Variants in OR51E1 observed in about 807,000 individuals in gnomAD.
OR51E1 encodes olfactory receptor 51E1.
In OR51E1, 9 loss-of-function variants were observed where a neutral mutation model predicts 11.5. The observed-to-expected ratio is 0.78, with a 90% CI of 0.47 to 1.37. The LOEUF (loss-of-function observed/expected upper bound fraction) is 1.37, where lower values mean the gene tolerates loss of function less well. Among genes scored for constraint, OR51E1 ranks in the 40% most tolerant of loss-of-function variants. The pLI, the probability that OR51E1 is intolerant of heterozygous loss-of-function variation, is 0.00. For synonymous variants in OR51E1, 168 were observed against 158.3 expected, an observed-to-expected ratio of 1.06 and a Z score of -0.46; for missense variants, 397 against 410.2, an observed-to-expected ratio of 0.97 and a Z score of 0.28.
chr11:4,653,656 T>C lies in OR51E1; in HGVS notation c.*173T>C. On this transcript the variant is annotated 3_prime_UTR_variant, in exon 2 of 2. Coordinates refer to ENST00000396952, the MANE Select transcript of OR51E1 (RefSeq NM_152430.4). The stretch of plus-strand genomic sequence containing the variant: ...CATTTTTTCAATATTATTTTCTTCT[T>C]TGTTTTCTTGCTACATATAATTATT... 1.8e-6 allele frequency: 1 copy of C among 561,456 alleles called. No individual in the cohort carries two copies. Among genetic ancestry groups the C allele is most frequent in the Non-Finnish European group, 3.2e-6 (1 of 311,340 alleles). The allele number at this position is 561,456 out of a possible 1,614,324, so 34.8% of individuals were successfully genotyped here. A position where few individuals can be genotyped will look rare whatever the true frequency, so the allele number is the denominator to read the frequency against.
At chr11:4,646,351 G>A (rs1847030406) in intron 1 of OR51E1, among the ~76,000 whole-genome samples, 1 of 152,148 alleles carries the variant, frequency 6.6e-6, no homozygotes, top group Non-Finnish European at 1.5e-5. Context: ...AGGGGCCCCT[G>A]GACTCATGGG....
intron 1 of OR51E1, among the ~76,000 whole-genome samples, chr11:4,646,054 C>T (rs1194130088): frequency 6.6e-6 from 1 of 152,176 alleles, no homozygotes; most frequent in Non-Finnish European, 1.5e-5. Context: ...CAAGCTCCTC[C>T]AGTCCTTGCC....
intron 1 of OR51E1, among the ~76,000 whole-genome samples, chr11:4,648,548 A>G (rs1164246936): frequency 1.3e-5 from 2 of 152,208 alleles, no homozygotes; most frequent in Non-Finnish European, 2.9e-5. Flanking sequence ...TCTAAGCCCC[A>G]GGATTCTGCT....
At chr11:4,648,312 C>T (rs1336165009) in intron 1 of OR51E1, among the ~76,000 whole-genome samples, 3 of 152,296 alleles carry the variant, frequency 2.0e-5, no homozygotes, top group Non-Finnish European at 2.9e-5. Flanking sequence ...TGTGTACATA[C>T]AGGCCAAGTG....
At position 4,653,692 on chromosome 11, in the gene OR51E1, C is replaced by T. The variant is rs889065899; in HGVS notation, c.*209C>T. On this transcript the variant is annotated 3_prime_UTR_variant, in exon 2 of 2. Coordinates refer to ENST00000396952, the MANE Select transcript of OR51E1 (RefSeq NM_152430.4). ...CTACATATAATTATTAATACCCTGA[C>T]TAGGTTGTGGTTGGAGGGTTATTAC... is the stretch of plus-strand genomic sequence containing the variant. 3.9e-6 allele frequency: 2 copies of T among 508,314 alleles called. No individual in the cohort carries two copies. Among genetic ancestry groups the T allele is most frequent in the Non-Finnish European group, 7.1e-6 (2 of 280,212 alleles). The allele number at this position is 508,314 out of a possible 1,614,324, so 31.5% of individuals were successfully genotyped here. A position where few individuals can be genotyped will look rare whatever the true frequency, so the allele number is the denominator to read the frequency against.
chr11:4,653,578 T>C lies in OR51E1; in HGVS notation c.*95T>C. The C allele has an allele frequency of 7.0e-6, 5 of 717,692 alleles. No homozygotes were observed. Among genetic ancestry groups the C allele is most frequent in the South Asian group, 2.0e-5 (1 of 49,642 alleles). 44.5% of individuals were successfully genotyped at this position (717,692 alleles called of 1,614,324 possible). ...GACAGTATTCAGAAAAAAAATTTCC[T>C]TAATAAAAATACAACTCAGATCCTT... On this transcript the variant is annotated 3_prime_UTR_variant, in exon 2 of 2. Coordinates refer to ENST00000396952, the MANE Select transcript of OR51E1 (RefSeq NM_152430.4).
Position 4,654,015 on chromosome 11 carries a change from A to C in OR51E1, c.*532A>C, listed in dbSNP as rs1480621590. ...GGGGAAGATTGGAAGTAAAGCCTTG[A>C]AAAGAGTACATTTACCTACGTTAAT... is the stretch of plus-strand genomic sequence containing the variant. On this transcript the variant is annotated 3_prime_UTR_variant, in exon 2 of 2. Coordinates refer to ENST00000396952, the MANE Select transcript of OR51E1 (RefSeq NM_152430.4). 9 of 166,974 alleles carry C rather than the reference A, an allele frequency of 5.4e-5. No individual in the cohort carries two copies. In the Admixed American group the frequency reaches 5.9e-4, roughly 11 times the overall value. 10.3% of individuals were successfully genotyped at this position (166,974 alleles called of 1,614,324 possible).
At position 4,653,864 on chromosome 11, in the gene OR51E1, T is replaced by C. The variant is rs1847136679; in HGVS notation, c.*381T>C. 5.8e-6 allele frequency: 1 copy of C among 173,690 alleles called. No individual in the cohort carries two copies. The highest frequency in any genetic ancestry group is 1.4e-5 in the Non-Finnish European group (1 of 72,890). 10.8% of individuals were successfully genotyped at this position (173,690 alleles called of 1,614,324 possible). A position where few individuals can be genotyped will look rare whatever the true frequency, so the allele number is the denominator to read the frequency against. Reference sequence around the variant, plus strand: ...AAACACAGAATATAATAAAATGAGATAATCTAGCTTAAAACTATAACTTCC... The same window carrying C: ...AAACACAGAATATAATAAAATGAGACAATCTAGCTTAAAACTATAACTTCC... On this transcript the variant is annotated 3_prime_UTR_variant, in exon 2 of 2. Transcript: ENST00000396952.
intron 1 of OR51E1, among the ~76,000 whole-genome samples, chr11:4,649,282 A>G (rs1184524451): frequency 6.6e-6 from 1 of 152,216 alleles, no homozygotes; most frequent in Non-Finnish European, 1.5e-5. Context: ...CCTAGGTAAA[A>G]AAGGCTTAGG....
intron 1 of OR51E1, among the ~76,000 whole-genome samples, chr11:4,645,203 A>G (rs1392725590): frequency 6.6e-6 from 1 of 152,170 alleles, no homozygotes; most frequent in Non-Finnish European, 1.5e-5. Flanking sequence ...AGCTCCATAA[A>G]AGCCATCATC....
chr11:4,647,517 ATC>A (rs1246545600), intron 1 of OR51E1, among the ~76,000 whole-genome samples: 1 of 151,734 alleles, frequency 6.6e-6, no homozygotes, highest in Non-Finnish European at 1.5e-5. Flanking sequence ...TGTCTGGTTT[ATC>A]TCTCTGACTG....
rs1564878603 is a variant in OR51E1, at chr11:4,655,214, A to G, written c.*1731A>G. 6.0e-6 allele frequency: 1 copy of G among 167,124 alleles called. No homozygotes were observed. The highest frequency in any genetic ancestry group is 1.5e-5 in the Non-Finnish European group (1 of 68,130). The allele number at this position is 167,124 out of a possible 1,614,324, so 10.4% of individuals were successfully genotyped here. On this transcript the variant is annotated 3_prime_UTR_variant, in exon 2 of 2. Transcript: ENST00000396952. ...TTTTCCAGCCTTCTTTGAGTTGGGT[A>G]TTATTAAATTCTGGCCATTACTTCC...
chr11:4,646,047 G>A (rs1056755578), intron 1 of OR51E1, among the ~76,000 whole-genome samples: 44 of 152,152 alleles, frequency 2.9e-4, no homozygotes, highest in African/African-American at 9.9e-4. Context: ...CAAGTGACAA[G>A]CTCCTCCAGT....
chr11:4,654,914 G>T lies in OR51E1; in HGVS notation c.*1431G>T, dbSNP rs924482596. The stretch of plus-strand genomic sequence containing the variant: ...TTTCATTTTCTTTTTCAATCCTCAG[G>T]TTCCCTGATATGGATTCCTATAACA... On this transcript the variant is annotated 3_prime_UTR_variant, in exon 2 of 2. Transcript: ENST00000396952. The T allele has an allele frequency of 7.8e-5, 13 of 167,008 alleles. No homozygotes were observed. The highest frequency in any genetic ancestry group is 3.3e-4 in the Admixed American group (5 of 15,284). The allele number at this position is 167,008 out of a possible 1,614,324, so 10.3% of individuals were successfully genotyped here.
intron 1 of OR51E1, among the ~76,000 whole-genome samples, chr11:4,644,373 G>C (rs902130657): frequency 1.3e-5 from 2 of 152,092 alleles, no homozygotes; most frequent in African/African-American, 4.8e-5. Context: ...GGGCTGCATT[G>C]GGGTTGGGTC....
In OR51E1 at chr11:4,654,506, T is replaced by G. The variant is rs1041571653; in HGVS notation, c.*1023T>G. 6 of 167,120 alleles carry G rather than the reference T, an allele frequency of 3.6e-5. No individual in the cohort carries two copies. The highest frequency in any genetic ancestry group is 1.4e-4 in the African/African-American group (6 of 41,476). 10.4% of individuals were successfully genotyped at this position (167,120 alleles called of 1,614,324 possible). A position where few individuals can be genotyped will look rare whatever the true frequency, so the allele number is the denominator to read the frequency against. ...ATGGAAGATTCTTATTCAGAAAGTC[T>G]GCATAGGGCTTATAGCAAGTTATTT... is the stretch of plus-strand genomic sequence containing the variant. On this transcript the variant is annotated 3_prime_UTR_variant, in exon 2 of 2. Coordinates refer to ENST00000396952, the MANE Select transcript of OR51E1 (RefSeq NM_152430.4).
In OR51E1 at chr11:4,652,627, T is replaced by C; in HGVS notation, c.101T>C (p.Leu34Ser). 6.2e-7 allele frequency: 1 copy of C among 1,614,174 alleles called. No individual in the cohort carries two copies. The highest frequency in any genetic ancestry group is 8.5e-7 in the Non-Finnish European group (1 of 1,180,016). ...GCTCAGTTCTGGTTGGCCTTCCCAT[T>C]GTGCTCCCTCTACCTTATTGCTGTG... is the stretch of plus-strand genomic sequence containing the variant. ...EEAQFWLAFP[L>S]CSLYLIAVLG... Residue 34 changes from leucine (L) to serine (S), a missense_variant, in exon 2 of 2, where the codon TTG (leucine) becomes TCG (serine). Leu to Ser is a moderately radical substitution (Grantham distance 145, BLOSUM62 -2). Transcript: ENST00000396952.
At chr11:4,650,855 G>A (rs1050715769) in intron 1 of OR51E1, among the ~76,000 whole-genome samples, 9 of 152,054 alleles carry the variant, frequency 5.9e-5, no homozygotes, top group African/African-American at 2.2e-4. Flanking sequence ...CCAACATGAT[G>A]CTCAAAGAGA....
At position 4,655,183 on chromosome 11, in the gene OR51E1, A is replaced by C. The variant is rs1335164907; in HGVS notation, c.*1700A>C. 5 of 167,146 alleles carry C rather than the reference A, an allele frequency of 3.0e-5. No individual in the cohort carries two copies. Among genetic ancestry groups the C allele is most frequent in the Non-Finnish European group, 7.3e-5 (5 of 68,138 alleles). The allele number at this position is 167,146 out of a possible 1,614,324, so 10.4% of individuals were successfully genotyped here. Reference sequence around the variant, plus strand: ...TTCCTTCTGTCCTGAACACATAGCCAGGCAATTTTCCAGCCTTCTTTGAGT... The same window carrying C: ...TTCCTTCTGTCCTGAACACATAGCCCGGCAATTTTCCAGCCTTCTTTGAGT... On this transcript the variant is annotated 3_prime_UTR_variant, in exon 2 of 2. Coordinates refer to ENST00000396952, the MANE Select transcript of OR51E1 (RefSeq NM_152430.4).
Sources: allele counts gnomAD v4.1 joint callset (sites outside exome capture counted in the v4.1 genomes callset), GRCh38; gene constraint gnomAD v4.1.1; transcripts MANE v1.5; gene names NCBI Gene and HGNC (gene_info 2026-07-23, HGNC 2026-07-21).